HMGN4: variants seen among roughly 807,000 people sequenced by gnomAD.
HMGN4 encodes high mobility group nucleosomal binding domain 4.
For missense variants in HMGN4, 69 were observed against 104.9 expected (o/e 0.66, Z 1.49); for synonymous variants, 39 against 39.1 (o/e 1.00, Z 0.01).
intron 1 of HMGN4, chr6:26,539,848 A>G (rs1237800437): frequency 6.6e-6 from 1 of 152,172 alleles, no homozygotes; most frequent in Non-Finnish European, 1.5e-5. Flanking sequence ...GCATGTGCTC[A>G]ACAGCAACCT....
chr6:26,545,436 C>A lies in HMGN4; in HGVS notation c.230C>A (p.Thr77Lys). The A allele has an allele frequency of 6.3e-7, 1 of 1,593,988 alleles. No individual in the cohort carries two copies. The highest frequency in any genetic ancestry group is 8.5e-7 in the Non-Finnish European group (1 of 1,172,118). The part of the protein sequence containing the change: ...NNPAKNRDAS[T>K]LQSQKAEGTG... ...CCTGCAAAAAACCGAGATGCCTCTA[C>A]ACTCCAGTCCCAGAAAGCGGAAGGC... Residue 77 changes from threonine to lysine, a missense_variant, in exon 2 of 2, where the codon ACA becomes AAA. Coordinates refer to ENST00000377575, the MANE Select transcript of HMGN4 (RefSeq NM_006353.3).
intron 1 of HMGN4, among the ~76,000 whole-genome samples, chr6:26,543,468 C>G (rs1395531998): frequency 1.6e-5 from 2 of 125,200 alleles, no homozygotes; most frequent in Non-Finnish European, 3.2e-5. Flanking sequence ...GTCCCCCAGG[C>G]TGGAGTGCAG....
Position 26,545,415 on chromosome 6 carries a change from C to A in HMGN4, c.209C>A (p.Ala70Glu). 1 of 1,606,928 alleles carries A rather than the reference C, an allele frequency of 6.2e-7. No homozygotes were observed. Among genetic ancestry groups the A allele is most frequent in the Admixed American group, 1.7e-5 (1 of 57,938 alleles). Residue 70 changes from alanine to glutamate, a missense_variant, in exon 2 of 2, where the codon GCA (alanine) becomes GAA (glutamate). By Grantham distance (107) the Ala-to-Glu change is moderately radical. Transcript: ENST00000377575. The stretch of plus-strand genomic sequence containing the variant: ...GCTGGAAAGGATGGGAACAACCCTG[C>A]AAAAAACCGAGATGCCTCTACACTC... ...ADAGKDGNNP[A>E]KNRDASTLQS... is the part of the protein sequence containing the mutation.
intron 1 of HMGN4, among the ~76,000 whole-genome samples, chr6:26,541,227 G>T (rs927523536): frequency 4.6e-5 from 7 of 152,052 alleles, no homozygotes; most frequent in African/African-American, 1.7e-4. Flanking sequence ...TGTATTTTTA[G>T]TAGAGATAGG....
chr6:26,544,815 AT>A (rs972983529), intron 1 of HMGN4, among the ~76,000 whole-genome samples: 32 of 152,222 alleles, frequency 2.1e-4, no homozygotes, highest in Non-Finnish European at 4.0e-4. Context: ...CTTCTTATAT[AT>A]TTTTAGGTGC....
rs1484573546 is a variant in HMGN4 at position 26,545,568 on chromosome 6, T to C, written c.*89T>C. On this transcript the variant is annotated 3_prime_UTR_variant, in exon 2 of 2. Transcript: ENST00000377575. Reference sequence around the variant, plus strand: ...AATCAAGTTTTATAAAAGTGTAGAATTTTGGCTTTTTTAAGTTATGTTGTT... The same window carrying C: ...AATCAAGTTTTATAAAAGTGTAGAACTTTGGCTTTTTTAAGTTATGTTGTT... 3 of 1,374,790 alleles carry C rather than the reference T, an allele frequency of 2.2e-6. No individual in the cohort carries two copies. Among genetic ancestry groups the C allele is most frequent in the East Asian group, 5.0e-5 (2 of 40,002 alleles). The allele number at this position is 1,374,790 out of a possible 1,614,324, so 85.2% of individuals were successfully genotyped here. A position where few individuals can be genotyped will look rare whatever the true frequency, so the allele number is the denominator to read the frequency against.
At chr6:26,545,009 T>C in intron 1 of HMGN4, 118 bp from the exon 2 acceptor site, 1 of 360,984 alleles carries the variant, frequency 2.8e-6, no homozygotes, top group Non-Finnish European at 5.0e-6. Context: ...GTTTTACTTT[T>C]ATTATGCTAT....
chr6:26,542,085 C>T lies in HMGN4; in HGVS notation c.-80-3042C>T, dbSNP rs943868127. Among the ~76,000 whole-genome samples, 6 of 152,198 alleles carry T rather than the reference C, an allele frequency of 3.9e-5. No individual in the cohort carries two copies. Among genetic ancestry groups the T allele is most frequent in the African/African-American group, 7.2e-5 (3 of 41,446 alleles). ...TTGTACAATTACTAGTAAGATTTAT[C>T]TGCCAGTTAATAATTTTTCTTTTCT... is the stretch of plus-strand genomic sequence containing the variant. On this transcript the variant is annotated intron_variant, in intron 1 of 1. Transcript: ENST00000377575. The surrounding 1 kb of genome is among the most constrained non-coding windows in gnomAD (Gnocchi z 4.6).
At position 26,545,343 on chromosome 6, in the gene HMGN4, C is replaced by G; in HGVS notation, c.137C>G (p.Ala46Gly). The G allele has an allele frequency of 1.2e-6, 2 of 1,614,032 alleles. No individual in the cohort carries two copies. Among genetic ancestry groups the G allele is most frequent in the Non-Finnish European group, 8.5e-7 (1 of 1,180,018 alleles). ...KPEPRPKKAS[A>G]KKGEKLPKGR... Reference sequence around the variant, plus strand: ...GAGCCCAGGCCTAAAAAGGCCTCTGCAAAGAAGGGAGAGAAGCTTCCCAAA... The same window carrying G: ...GAGCCCAGGCCTAAAAAGGCCTCTGGAAAGAAGGGAGAGAAGCTTCCCAAA... Residue 46 changes from alanine (A) to glycine (G), a missense_variant, in exon 2 of 2, where the codon GCA becomes GGA. Transcript: ENST00000377575.
At position 26,542,398 on chromosome 6, in the gene HMGN4, A is replaced by T. The variant is rs1383924603; in HGVS notation, c.-80-2729A>T. On this transcript the variant is annotated intron_variant, in intron 1 of 1. Coordinates refer to ENST00000377575, the MANE Select transcript of HMGN4 (RefSeq NM_006353.3). The surrounding 1 kb of genome is among the most constrained non-coding windows in gnomAD (Gnocchi z 4.6). ...TTATTAACTAAAATATATAGTTTAC[A>T]TCAGGGTTCACTCACTGTATGAAGT... is the stretch of plus-strand genomic sequence containing the variant. Among the ~76,000 whole-genome samples, 1 of 152,242 alleles carries T rather than the reference A, an allele frequency of 6.6e-6. No individual in the cohort carries two copies. Among genetic ancestry groups the T allele is most frequent in the Non-Finnish European group, 1.5e-5 (1 of 68,046 alleles).
intron 1 of HMGN4, among the ~76,000 whole-genome samples, chr6:26,543,739 T>G (rs1161609343): frequency 8.8e-6 from 1 of 114,116 alleles, no homozygotes; most frequent in East Asian, 2.8e-4. Flanking sequence ...CCAGCCTGGG[T>G]GACAGAACGA....
chr6:26,540,588 C>T (rs1764277968), intron 1 of HMGN4, among the ~76,000 whole-genome samples: 1 of 152,204 alleles, frequency 6.6e-6, no homozygotes, highest in Non-Finnish European at 1.5e-5. Flanking sequence ...CCTGCCTCCA[C>T]CTCCCAAAGT....
chr6:26,545,513 G>T lies in HMGN4; in HGVS notation c.*34G>T. The T allele has an allele frequency of 6.7e-7, 1 of 1,486,562 alleles. No individual in the cohort carries two copies. Among genetic ancestry groups the T allele is most frequent in the South Asian group, 1.4e-5 (1 of 69,398 alleles). 92.1% of individuals were successfully genotyped at this position (1,486,562 alleles called of 1,614,324 possible). ...TTTTTGAGAGCTCTGTACTTATAGT[G>T]ACTCTACTGTTTGAAATACTATTTT... On this transcript the variant is annotated 3_prime_UTR_variant, in exon 2 of 2. Transcript: ENST00000377575.
chr6:26,541,601 T>C (rs1299606865), intron 1 of HMGN4, among the ~76,000 whole-genome samples: 1 of 152,200 alleles, frequency 6.6e-6, no homozygotes, highest in Non-Finnish European at 1.5e-5. Context: ...ACCAGTAATA[T>C]TGAATTAGGG....
chr6:26,545,512 T>C lies in HMGN4; in HGVS notation c.*33T>C. On this transcript the variant is annotated 3_prime_UTR_variant, in exon 2 of 2. Coordinates refer to ENST00000377575, the MANE Select transcript of HMGN4 (RefSeq NM_006353.3). ...ATTTTTGAGAGCTCTGTACTTATAG[T>C]GACTCTACTGTTTGAAATACTATTT... The C allele has an allele frequency of 6.7e-7, 1 of 1,489,282 alleles. No homozygotes were observed. Among genetic ancestry groups the C allele is most frequent in the Non-Finnish European group, 9.0e-7 (1 of 1,116,502 alleles). The allele number at this position is 1,489,282 out of a possible 1,614,324, so 92.3% of individuals were successfully genotyped here. A position where few individuals can be genotyped will look rare whatever the true frequency, so the allele number is the denominator to read the frequency against.
intron 1 of HMGN4, among the ~76,000 whole-genome samples, chr6:26,544,480 T>C (rs1764325825): frequency 6.6e-6 from 1 of 152,240 alleles, no homozygotes; most frequent in South Asian, 2.1e-4. Flanking sequence ...CCTTCTACTA[T>C]TGAAGGACAT....
In HMGN4 at chr6:26,545,561, T is replaced by G; in HGVS notation, c.*82T>G. ...TTTTTTAAATCAAGTTTTATAAAAG[T>G]GTAGAATTTTGGCTTTTTTAAGTTA... On this transcript the variant is annotated 3_prime_UTR_variant, in exon 2 of 2. Coordinates refer to ENST00000377575, the MANE Select transcript of HMGN4 (RefSeq NM_006353.3). 1.4e-6 allele frequency: 2 copies of G among 1,396,072 alleles called. No individual in the cohort carries two copies. Among genetic ancestry groups the G allele is most frequent in the Non-Finnish European group, 1.9e-6 (2 of 1,047,874 alleles). 86.5% of individuals were successfully genotyped at this position (1,396,072 alleles called of 1,614,324 possible).
At chr6:26,538,891 C>G (rs953627007) in intron 1 of HMGN4, among the ~76,000 whole-genome samples, 2 of 152,172 alleles carry the variant, frequency 1.3e-5, no homozygotes, top group Non-Finnish European at 2.9e-5. Flanking sequence ...CGTGGGCTCT[C>G]CCTTCCTCCC....
At chr6:26,543,795 A>C (rs1310478038) in intron 1 of HMGN4, among the ~76,000 whole-genome samples, 1 of 125,614 alleles carries the variant, frequency 8.0e-6, no homozygotes, top group Non-Finnish European at 1.7e-5. Flanking sequence ...AAAAAAAAAA[A>C]CTGGAGCAAT....
Sources: allele counts gnomAD v4.1 joint callset (sites outside exome capture counted in the v4.1 genomes callset), GRCh38; gene constraint gnomAD v4.1.1; non-coding constraint Gnocchi (gnomAD v3.1); transcripts MANE v1.5; gene names NCBI Gene and HGNC (gene_info 2026-07-23, HGNC 2026-07-21).